The following ANKFN1 variants were observed in gnomAD, a reference collection of about 807,000 sequenced individuals.
ANKFN1 encodes ankyrin repeat and fibronectin type III domain containing 1.
A neutral mutation model predicts 108.7 loss-of-function variants in ANKFN1; 74 were observed. That is an observed-to-expected ratio of 0.68 (90% CI 0.56 to 0.83). The LOEUF is 0.83. Ranked by LOEUF, ANKFN1 falls within the 40% of genes least tolerant of loss-of-function variation. The pLI is 0.00. For missense variants in ANKFN1, 1,505 were observed against 1,382.3 expected (o/e 1.09, Z -1.41); for synonymous variants, 547 against 516.2 (o/e 1.06, Z -0.81).
chr17:56,082,775 G>A (rs1883633923), intron 4 of ANKFN1, among the ~76,000 whole-genome samples: 1 of 152,154 alleles, frequency 6.6e-6, no homozygotes, highest in Admixed American at 6.5e-5. Flanking sequence ...TTCCTTGTTG[G>A]TGAGTTACTC....
chr17:56,067,165 G>T (rs1420552222), intron 4 of ANKFN1, among the ~76,000 whole-genome samples: 6 of 151,932 alleles, frequency 3.9e-5, no homozygotes, highest in East Asian at 1.9e-4. Flanking sequence ...CTCCAGCCTG[G>T]GCAACAGAGT....
chr17:56,457,170 A>G, intron 12 of ANKFN1, 87 bp from the exon 13 acceptor site: 3 of 1,347,622 alleles, frequency 2.2e-6, no homozygotes, highest in Non-Finnish European at 3.0e-6. Flanking sequence ...TCCTAGGTAT[A>G]TTTTAAATTC....
In ANKFN1 at chr17:56,515,779, A is replaced by G. The variant is rs1465244815; in HGVS notation, c.*4510A>G. Reference sequence around the variant, plus strand: ...TCTGCTTTTTCCACTGCATCTGCACACAGTAGTTATATTTGTTTTTTCAAT... The same window carrying G: ...TCTGCTTTTTCCACTGCATCTGCACGCAGTAGTTATATTTGTTTTTTCAAT... On this transcript the variant is annotated 3_prime_UTR_variant, in exon 21 of 21. Coordinates refer to ENST00000682825, the MANE Select transcript of ANKFN1 (RefSeq NM_001370326.1). Among the ~76,000 whole-genome samples, 1 of 152,192 alleles carries G rather than the reference A, an allele frequency of 6.6e-6. No individual in the cohort carries two copies. The highest frequency in any genetic ancestry group is 1.5e-5 in the Non-Finnish European group (1 of 68,018).
chr17:56,318,758 T>C (rs1283154574), intron 3 of ANKFN1, among the ~76,000 whole-genome samples: 2 of 152,212 alleles, frequency 1.3e-5, no homozygotes, highest in Non-Finnish European at 2.9e-5. Flanking sequence ...GAGAATCTTA[T>C]TGGAGTCAAC....
intron 4 of ANKFN1, among the ~76,000 whole-genome samples, chr17:56,066,124 T>A (rs529311459): frequency 5.3e-5 from 8 of 152,340 alleles, no homozygotes; most frequent in Non-Finnish European, 7.3e-5. Context: ...TGATCTCTTT[T>A]GGCTTAGAGT....
At chr17:56,313,955 G>A (rs1388475672) in intron 3 of ANKFN1, among the ~76,000 whole-genome samples, 3 of 152,170 alleles carry the variant, frequency 2.0e-5, no homozygotes, top group African/African-American at 2.4e-5. Flanking sequence ...AACCTAGGCA[G>A]CCAGTGTTTT....
intron 8 of ANKFN1, among the ~76,000 whole-genome samples, chr17:56,418,428 G>A (rs80024706): frequency 0.095 from 14,426 of 152,132 alleles, 844 homozygotes; most frequent in African/African-American, 0.17. Context: ...AAAACAGTAA[G>A]AGTAATGCAG....
At chr17:56,443,911 G>A (rs952776365) in intron 10 of ANKFN1, among the ~76,000 whole-genome samples, 2 of 152,178 alleles carry the variant, frequency 1.3e-5, no homozygotes, top group African/African-American at 4.8e-5. Context: ...TTTCTTGTGA[G>A]AGTAAAAACT....
At chr17:56,166,287 T>C (rs1910121819) in intron 1 of ANKFN1, among the ~76,000 whole-genome samples, 1 of 152,212 alleles carries the variant, frequency 6.6e-6, no homozygotes, top group Non-Finnish European at 1.5e-5. Flanking sequence ...AATGAAGTGA[T>C]TGGACAAGAT....
intron 8 of ANKFN1, among the ~76,000 whole-genome samples, chr17:56,419,356 G>A (rs148243442): frequency 0.011 from 1,717 of 152,046 alleles, 51 homozygotes; most frequent in Non-Finnish European, 0.01. Context: ...GGTGGCAAGC[G>A]CCTGTAATCC....
intron 1 of ANKFN1, among the ~76,000 whole-genome samples, chr17:56,196,393 G>T (rs764637197): frequency 6.6e-6 from 1 of 152,112 alleles, no homozygotes; most frequent in African/African-American, 2.4e-5. Context: ...GAGAATTGAA[G>T]GTTTAATCAG....
At chr17:56,105,711 CTGTGTGTG>C (rs147924842) in intron 4 of ANKFN1, among the ~76,000 whole-genome samples, 9 of 144,662 alleles carry the variant, frequency 6.2e-5, no homozygotes, top group South Asian at 2.3e-4. Context: ...GTTTTTTTGT[CTGTGTGTG>C]TGTGTGTGTG....
chr17:56,286,291 T>C (rs1450283577), intron 3 of ANKFN1, among the ~76,000 whole-genome samples: 1 of 152,190 alleles, frequency 6.6e-6, no homozygotes, highest in African/African-American at 2.4e-5. Context: ...TATCTATTGC[T>C]GCATAACAAA....
At chr17:56,241,850 T>G (rs1181662121) in intron 3 of ANKFN1, among the ~76,000 whole-genome samples, 3 of 152,128 alleles carry the variant, frequency 2.0e-5, no homozygotes, top group African/African-American at 7.2e-5. Context: ...CCATGGATAC[T>G]CAGACAATGA....
chr17:56,108,897 A>C (rs532739916), intron 4 of ANKFN1, among the ~76,000 whole-genome samples: 1 of 152,316 alleles, frequency 6.6e-6, no homozygotes, highest in East Asian at 1.9e-4. Context: ...AAATAGGAGT[A>C]ATTTTGTAAG....
chr17:56,206,032 A>G (rs1914502664), intron 1 of ANKFN1, among the ~76,000 whole-genome samples: 1 of 152,170 alleles, frequency 6.6e-6, no homozygotes, highest in South Asian at 2.1e-4. Flanking sequence ...AGAAATAAAG[A>G]TCCTCATGAC....
intron 18 of ANKFN1, among the ~76,000 whole-genome samples, chr17:56,483,283 G>A (rs1020045440): frequency 6.6e-6 from 1 of 152,326 alleles, no homozygotes; most frequent in Admixed American, 6.5e-5. Context: ...TAACAGGCCA[G>A]TAAGAGGCAA....
intron 1 of ANKFN1, among the ~76,000 whole-genome samples, chr17:56,168,838 G>A (rs940754698): frequency 6.6e-6 from 1 of 152,220 alleles, no homozygotes; most frequent in African/African-American, 2.4e-5. Context: ...CTTTAGAGGG[G>A]TAGAGGCTAT....
chr17:56,510,807 G>A lies in ANKFN1; in HGVS notation c.2979G>A (p.Pro993=), dbSNP rs1234071082. Residue 993 remains proline (P), a synonymous_variant, in exon 21 of 21, where the codon CCG becomes CCA. Coordinates refer to ENST00000682825, the MANE Select transcript of ANKFN1 (RefSeq NM_001370326.1). ...AGACTGTGTCCGGTGGGCGGCCCCC[G>A]CTAGGCTTCCTGGGAAAGCGGAAGC... ...HAKTVSGGRP[P]LGFLGKRKPG... 2.6e-6 allele frequency: 4 copies of A among 1,536,018 alleles called. No homozygotes were observed. In the East Asian group the frequency reaches 7.3e-5, roughly 28 times the overall value.
Sources: allele counts gnomAD v4.1 joint callset (sites outside exome capture counted in the v4.1 genomes callset), GRCh38; gene constraint gnomAD v4.1.1; transcripts MANE v1.5; gene names NCBI Gene and HGNC (gene_info 2026-07-23, HGNC 2026-07-21).